ELP4: variants seen among roughly 807,000 people sequenced by gnomAD.
ELP4 encodes elongator acetyltransferase complex subunit 4.
In ELP4, 51 loss-of-function variants were observed where a neutral mutation model predicts 48.9. The observed-to-expected ratio is 1.04, with a 90% confidence interval of 0.83 to 1.32. The LOEUF (loss-of-function observed/expected upper bound fraction) is 1.32. ELP4 is among the 40% of genes most tolerant of loss of function. The pLI is 0.00. For synonymous variants in ELP4, 210 were observed against 189.2 expected (o/e 1.11, Z -0.90); for missense variants, 519 against 514.6 (o/e 1.01, Z -0.08).
At chr11:31,569,047 T>C (rs1467000306) in intron 3 of ELP4, among the ~76,000 whole-genome samples, 1 of 150,248 alleles carries the variant, frequency 6.7e-6, no homozygotes, top group Non-Finnish European at 1.5e-5. Context: ...ATCGTGCCAC[T>C]GCACTCCAGC....
chr11:31,560,960 T>C (rs1010142325), intron 3 of ELP4, among the ~76,000 whole-genome samples: 3 of 152,102 alleles, frequency 2.0e-5, no homozygotes, highest in Non-Finnish European at 2.9e-5. Flanking sequence ...CTATACCATA[T>C]AGCCTAGGTA....
Position 31,783,774 on chromosome 11 carries a change from A to T in ELP4, c.*250A>T. Reference sequence around the variant, plus strand: ...TTAAATAAACGCCAAAAAATGTCAAAATCTCAAGATTCCTGACAGTGGTCA... The same window carrying T: ...TTAAATAAACGCCAAAAAATGTCAATATCTCAAGATTCCTGACAGTGGTCA... On this transcript the variant is annotated 3_prime_UTR_variant, in exon 10 of 10. Coordinates refer to ENST00000640961, the MANE Select transcript of ELP4 (RefSeq NM_019040.5). 2 of 340,770 alleles carry T rather than the reference A, an allele frequency of 5.9e-6. No homozygotes were observed. Among genetic ancestry groups the T allele is most frequent in the Non-Finnish European group, 1.1e-5 (2 of 186,520 alleles). The allele number at this position is 340,770 out of a possible 1,614,324, so 21.1% of individuals were successfully genotyped here. A position where few individuals can be genotyped will look rare whatever the true frequency, so the allele number is the denominator to read the frequency against.
rs564041038 is a variant in ELP4, at chr11:31,694,194, T to C, written c.1143+43973T>C. On this transcript the variant is annotated intron_variant, in intron 9 of 9. Coordinates refer to ENST00000640961, the MANE Select transcript of ELP4 (RefSeq NM_019040.5). ...AGATCCCATTTGTCAATTTTGGCTT[T>C]TGTTGCCATTGCTTTTGGTGTTTTA... 5.3e-5 allele frequency among the ~76,000 whole-genome samples: 8 copies of C among 152,286 alleles called. 1 individual carries two copies. In the East Asian group the frequency reaches 1.5e-3, roughly 29 times the overall value.
In ELP4 at chr11:31,788,889, A is replaced by G. The variant is rs1477128174; in HGVS notation, c.*5365A>G. 1 of 201,242 alleles carries G rather than the reference A, an allele frequency of 5.0e-6. No homozygotes were observed. The highest frequency in any genetic ancestry group is 2.3e-5 in the African/African-American group (1 of 43,656). 12.5% of individuals were successfully genotyped at this position (201,242 alleles called of 1,614,324 possible). A position where few individuals can be genotyped will look rare whatever the true frequency, so the allele number is the denominator to read the frequency against. On this transcript the variant is annotated 3_prime_UTR_variant, in exon 10 of 10. Coordinates refer to ENST00000640961, the MANE Select transcript of ELP4 (RefSeq NM_019040.5). ...TAGAATGTTGATCTAACATGGAAATAAAATTTGTAACACCACACTATAAGG... is the reference window on the plus strand; with the variant it reads ...TAGAATGTTGATCTAACATGGAAATGAAATTTGTAACACCACACTATAAGG...
intron 4 of ELP4, among the ~76,000 whole-genome samples, chr11:31,601,430 T>C (rs1957780089): frequency 6.6e-6 from 1 of 151,308 alleles, no homozygotes. Context: ...AATTTCTAAA[T>C]AAATTAATAA....
At chr11:31,733,975 C>A (rs1002601497) in intron 9 of ELP4, among the ~76,000 whole-genome samples, 8 of 152,118 alleles carry the variant, frequency 5.3e-5, no homozygotes, top group Non-Finnish European at 1.2e-4. Flanking sequence ...CAACAAAAAA[C>A]CTAGCAAATC....
intron 9 of ELP4, chr11:31,719,377 A>G (rs535343541): frequency 2.5e-6 from 1 of 395,990 alleles, no homozygotes; most frequent in South Asian, 1.4e-4. Flanking sequence ...GAATGGTTAT[A>G]GATGAAACAT....
chr11:31,711,961 G>C (rs1284313905), intron 9 of ELP4, among the ~76,000 whole-genome samples: 1 of 151,844 alleles, frequency 6.6e-6, no homozygotes, highest in Non-Finnish European at 1.5e-5. Flanking sequence ...ATTAACACTT[G>C]TAATTTTCTT....
chr11:31,566,051 G>T (rs1565056906), intron 3 of ELP4, among the ~76,000 whole-genome samples: 1 of 151,828 alleles, frequency 6.6e-6, no homozygotes, highest in Non-Finnish European at 1.5e-5. Context: ...CATTTTCTAG[G>T]CCAGGCACGG....
At chr11:31,677,483 GT>G (rs1339061554) in intron 9 of ELP4, among the ~76,000 whole-genome samples, 1 of 152,128 alleles carries the variant, frequency 6.6e-6, no homozygotes, top group Non-Finnish European at 1.5e-5. Flanking sequence ...CTATTGGAAA[GT>G]CTTCTTAAAA....
intron 9 of ELP4, among the ~76,000 whole-genome samples, chr11:31,698,943 T>C (rs937507738): frequency 2.0e-5 from 3 of 152,124 alleles, no homozygotes; most frequent in Non-Finnish European, 4.4e-5. Flanking sequence ...TATAAAACAT[T>C]GCTTGAAATT....
rs1295913518 is a variant in ELP4, at chr11:31,661,173, A to G, written c.1143+10952A>G. On this transcript the variant is annotated intron_variant, in intron 9 of 9. Transcript: ENST00000640961. ...TTAATATTTTTTATTGCTGTGTACTATCAAAAAAATGAAATTTCTAGTCAA... is the reference window on the plus strand; with the variant it reads ...TTAATATTTTTTATTGCTGTGTACTGTCAAAAAAATGAAATTTCTAGTCAA... Among the ~76,000 whole-genome samples the G allele has an allele frequency of 2.0e-5, 3 of 152,064 alleles. No individual in the cohort carries two copies. In the East Asian group the frequency reaches 5.8e-4, roughly 29 times the overall value.
intron 9 of ELP4, among the ~76,000 whole-genome samples, chr11:31,768,112 TGATA>T (rs1256001209): frequency 2.0e-5 from 3 of 152,206 alleles, no homozygotes; most frequent in African/African-American, 7.2e-5. Flanking sequence ...CAGAGGGCTC[TGATA>T]CTTAAGATTT....
Position 31,570,466 on chromosome 11 carries a change from C to CT in ELP4, c.382-24285dup, listed in dbSNP as rs35501118. 6.1e-3 allele frequency among the ~76,000 whole-genome samples: 781 copies of CT among 127,874 alleles called. 3 individuals carry two copies. The highest frequency in any genetic ancestry group is 0.011 in the African/African-American group (342 of 31,922). The allele number at this position is 127,874 out of a possible 152,430, so 83.9% of individuals were successfully genotyped here. ...CAGACCCCAGCATCATGTAATATAC[C>CT]TTTTTTTTTTTTTTTTTTTGAGATA... On this transcript the variant is annotated intron_variant, in intron 3 of 9. Transcript: ENST00000640961.
At position 31,509,824 on chromosome 11, in the gene ELP4, A is replaced by G. The variant is rs778710298; in HGVS notation, c.40A>G (p.Thr14Ala). Reference sequence around the variant, plus strand: ...AACCTGCGGTAGTGTTGCCGCGAGTACTGGGTCTGCAGTGGCGACAGCCAG... The same window carrying G: ...AACCTGCGGTAGTGTTGCCGCGAGTGCTGGGTCTGCAGTGGCGACAGCCAG... ...VATCGSVAAS[T>A]GSAVATASKS... Residue 14 changes from threonine (T) to alanine (A), a missense_variant, in exon 1 of 10, where the codon ACT (threonine) becomes GCT (alanine). By Grantham distance (58) the Thr-to-Ala change is moderately conservative (BLOSUM62 0). Coordinates refer to ENST00000640961, the MANE Select transcript of ELP4 (RefSeq NM_019040.5). 6 of 1,614,162 alleles carry G rather than the reference A, an allele frequency of 3.7e-6. No homozygotes were observed. Among genetic ancestry groups the G allele is most frequent in the Admixed American group, 3.3e-5 (2 of 60,038 alleles).
At chr11:31,520,278 G>A (rs1453123481) in intron 2 of ELP4, among the ~76,000 whole-genome samples, 187 bp downstream of exon 2, 1 of 152,056 alleles carries the variant, frequency 6.6e-6, no homozygotes, top group Admixed American at 6.5e-5. Flanking sequence ...AATAAATTAG[G>A]CAAATATATC....
chr11:31,552,753 A>G (rs1272452191), intron 3 of ELP4, among the ~76,000 whole-genome samples: 1 of 152,032 alleles, frequency 6.6e-6, no homozygotes, highest in African/African-American at 2.4e-5. Flanking sequence ...AGATCATGTC[A>G]CTCATCTAAA....
chr11:31,697,334 TA>T (rs1946430564), intron 9 of ELP4, among the ~76,000 whole-genome samples: 1 of 152,160 alleles, frequency 6.6e-6, no homozygotes, highest in African/African-American at 2.4e-5. Context: ...TCTTGTATTA[TA>T]ATTGGGTTTT....
Position 31,735,325 on chromosome 11 carries a change from A to G in ELP4, c.1144-48068A>G, listed in dbSNP as rs183452339. On this transcript the variant is annotated intron_variant, in intron 9 of 9. Coordinates refer to ENST00000640961, the MANE Select transcript of ELP4 (RefSeq NM_019040.5). ...AAGCTGTATGACATTGATCTTGGAT[A>G]TGACGTGAAAAGCACAGGTAACAAA... Among the ~76,000 whole-genome samples, 22 of 152,200 alleles carry G rather than the reference A, an allele frequency of 1.4e-4. No individual in the cohort carries two copies. The East Asian group carries it at 4.0e-3, about 28-fold the overall frequency.
Sources: gnomAD v4.1 joint callset for allele counts (sites outside exome capture counted in the v4.1 genomes callset) on GRCh38, gnomAD v4.1.1 for gene constraint, MANE v1.5 for transcripts, NCBI Gene and HGNC (gene_info 2026-07-23, HGNC 2026-07-21) for gene names.